Variants in LIPC observed in about 807,000 individuals in gnomAD.
The protein encoded by LIPC is hepatic triacylglycerol lipase.
Under a neutral mutation model 50.7 loss-of-function variants are expected in LIPC, and 44 were observed. The observed-to-expected ratio is 0.87, with a 90% CI of 0.68 to 1.11. The LOEUF is 1.11. Among genes scored for constraint, LIPC ranks in the 50% most tolerant of loss-of-function variants. LIPC has a pLI of 0.00. For synonymous variants in LIPC, 271 were observed against 256.4 expected (o/e 1.06, Z -0.54); for missense variants, 697 against 648.2 (o/e 1.08, Z -0.82).
At chr15:58,440,687 A>C (rs1412733299) in intron 1 of LIPC, among the ~76,000 whole-genome samples, 1 of 152,244 alleles carries the variant, frequency 6.6e-6, no homozygotes, top group Non-Finnish European at 1.5e-5. Flanking sequence ...TTTGTAAATA[A>C]CACTACATGC....
chr15:58,518,859 A>ACC (rs1892562931), intron 1 of LIPC, among the ~76,000 whole-genome samples: 1 of 151,896 alleles, frequency 6.6e-6, no homozygotes, highest in Non-Finnish European at 1.5e-5. Flanking sequence ...CTCTGCCTTG[A>ACC]TGGTGGTGGT....
chr15:58,514,197 C>T (rs1892417357), intron 1 of LIPC, among the ~76,000 whole-genome samples: 2 of 152,320 alleles, frequency 1.3e-5, no homozygotes, highest in East Asian at 1.9e-4. Context: ...CACTTTCTAG[C>T]TGTGTGGCTG....
chr15:58,542,636 A>G lies in LIPC; in HGVS notation c.559A>G (p.Ile187Val). The stretch of plus-strand genomic sequence containing the variant: ...CAGTTCCATCGGTGGAACGCACAAG[A>G]TTGGGAGAATCACAGGTAACCATGC... ...AGSSIGGTHK[I>V]GRITGLDAAG... Residue 187 changes from isoleucine to valine, a missense_variant, in exon 4 of 9, where the codon ATT becomes GTT. By Grantham distance (29) the Ile-to-Val change is conservative. Transcript: ENST00000299022. 6.2e-7 allele frequency: 1 copy of G among 1,611,772 alleles called. No homozygotes were observed. Among genetic ancestry groups the G allele is most frequent in the South Asian group, 1.1e-5 (1 of 91,036 alleles).
At chr15:58,556,309 C>T (rs1465558006) in intron 6 of LIPC, among the ~76,000 whole-genome samples, 3 of 152,072 alleles carry the variant, frequency 2.0e-5, no homozygotes, top group African/African-American at 7.2e-5. Context: ...AGTGTGGTTC[C>T]GAGATGGCCT....
At chr15:58,546,645 A>C (rs77039981) in intron 5 of LIPC, among the ~76,000 whole-genome samples, 3 of 152,234 alleles carry the variant, frequency 2.0e-5, no homozygotes, top group Non-Finnish European at 4.4e-5. Context: ...CAGCAGAAGC[A>C]GCACATTCCA....
In LIPC at chr15:58,546,018, A is replaced by G. The variant is rs1294166905; in HGVS notation, c.808+43A>G. On this transcript the variant is annotated intron_variant, in intron 5 of 8. Coordinates refer to ENST00000299022, the MANE Select transcript of LIPC (RefSeq NM_000236.3). ...GGCCGGGAGCACCGGCCTACATTTC[A>G]ATGGGGCCTCTGGAATTCAGCGGAA... 3 of 1,468,876 alleles carry G rather than the reference A, an allele frequency of 2.0e-6. No homozygotes were observed. In the African/African-American group the frequency reaches 4.2e-5, roughly 20 times the overall value. The allele number at this position is 1,468,876 out of a possible 1,614,324, so 91.0% of individuals were successfully genotyped here. A position where few individuals can be genotyped will look rare whatever the true frequency, so the allele number is the denominator to read the frequency against.
chr15:58,547,534 T>G (rs1290074214), intron 5 of LIPC, among the ~76,000 whole-genome samples: 14 of 152,236 alleles, frequency 9.2e-5, no homozygotes, highest in Admixed American at 9.2e-4. Context: ...AAGTCACCTG[T>G]GCTGTCCCTT....
intron 1 of LIPC, among the ~76,000 whole-genome samples, chr15:58,510,939 T>C (rs11638347): frequency 0.1 from 15,672 of 152,264 alleles, 1,050 homozygotes; most frequent in Non-Finnish European, 0.15. Context: ...AGAAATACTT[T>C]AGTATACAAA....
At chr15:58,443,133 G>A (rs1344665006) in intron 1 of LIPC, among the ~76,000 whole-genome samples, 4 of 152,152 alleles carry the variant, frequency 2.6e-5, no homozygotes, top group Non-Finnish European at 4.4e-5. Flanking sequence ...GGCTGGTCTT[G>A]AACTCCTGCC....
intron 1 of LIPC, among the ~76,000 whole-genome samples, chr15:58,500,384 C>T (rs557583158): frequency 6.6e-5 from 10 of 152,302 alleles, no homozygotes; most frequent in South Asian, 4.1e-4. Context: ...TTCACTGTCA[C>T]GCTTGCTCTC....
At chr15:58,515,533 C>CATATATATATATATATATATATATAT (rs1555403164) in intron 1 of LIPC, among the ~76,000 whole-genome samples, 22 of 141,708 alleles carry the variant, frequency 1.6e-4, no homozygotes, top group African/African-American at 5.7e-4. Context: ...TATACACACA[C>CATATATATATATATATATATATATAT]ATATATATAT....
chr15:58,512,271 G>A (rs935514716), intron 1 of LIPC, among the ~76,000 whole-genome samples: 2 of 151,856 alleles, frequency 1.3e-5, no homozygotes, highest in Non-Finnish European at 2.9e-5. Flanking sequence ...ACTAATTTTT[G>A]TATTTTTAGT....
At chr15:58,487,752 C>A (rs1451665383) in intron 1 of LIPC, among the ~76,000 whole-genome samples, 1 of 152,198 alleles carries the variant, frequency 6.6e-6, no homozygotes, top group African/African-American at 2.4e-5. Context: ...GCACCTCTAA[C>A]ACATTAAAGC....
At position 58,563,723 on chromosome 15, in the gene LIPC, G is replaced by C; in HGVS notation, c.1388G>C (p.Arg463Thr). Residue 463 changes from arginine to threonine, a missense_variant and splice_region_variant, in exon 8 of 9, where the codon AGA becomes ACA. Arg to Thr is a moderately conservative substitution (Grantham distance 71). Transcript: ENST00000299022. ...IRVKAGETQQRMTFCSENTDD... is the reference protein window; with the variant it reads ...IRVKAGETQQTMTFCSENTDD... ...GTCAAAGCAGGAGAAACCCAGCAAA[G>C]GTGACTGCTGATTCAATCTCCTATT... 1 of 1,611,770 alleles carries C rather than the reference G, an allele frequency of 6.2e-7. No individual in the cohort carries two copies. The highest frequency in any genetic ancestry group is 1.3e-5 in the African/African-American group (1 of 74,968).
At chr15:58,456,765 G>A (rs911203049) in intron 1 of LIPC, among the ~76,000 whole-genome samples, 7 of 152,244 alleles carry the variant, frequency 4.6e-5, no homozygotes, top group Non-Finnish European at 7.3e-5. Flanking sequence ...ACAAATTGGG[G>A]AAAACGAGAG....
chr15:58,541,270 A>G (rs1173619380), intron 2 of LIPC, among the ~76,000 whole-genome samples: 2 of 152,112 alleles, frequency 1.3e-5, no homozygotes, highest in African/African-American at 2.4e-5. Flanking sequence ...TCAGGCTCAC[A>G]GTGCCCATCC....
intron 1 of LIPC, among the ~76,000 whole-genome samples, chr15:58,534,532 G>C (rs1893054363): frequency 6.6e-6 from 1 of 152,172 alleles, no homozygotes; most frequent in Non-Finnish European, 1.5e-5. Flanking sequence ...AACGCTATTT[G>C]GTGCTGTGGC....
intron 8 of LIPC, chr15:58,565,088 T>C (rs1894315042): frequency 3.9e-6 from 4 of 1,034,470 alleles, no homozygotes; most frequent in Non-Finnish European, 5.7e-6. Context: ...TGCCCCTGAG[T>C]CCCTTTATAC....
chr15:58,541,002 T>C (rs1325041016), intron 2 of LIPC, among the ~76,000 whole-genome samples: 2 of 152,038 alleles, frequency 1.3e-5, no homozygotes, highest in African/African-American at 2.4e-5. Flanking sequence ...GGTTTCACCA[T>C]GTTCCCCAGG....
Sources: gnomAD v4.1 joint callset for allele counts (sites outside exome capture counted in the v4.1 genomes callset) on GRCh38, gnomAD v4.1.1 for gene constraint, MANE v1.5 for transcripts, NCBI Gene and HGNC (gene_info 2026-07-23, HGNC 2026-07-21) for gene names.